ERCC3: variants seen among roughly 807,000 people sequenced by gnomAD.
ERCC3 encodes the protein general transcription and DNA repair factor IIH helicase/translocase subunit XPB.
ERCC3 carries 66 observed loss-of-function variants against 94.2 expected under a neutral mutation model. The ratio of observed to expected loss-of-function variants is 0.70; its 90% CI spans 0.57 to 0.86. The LOEUF is 0.86. Ranked by LOEUF, ERCC3 falls within the 40% of genes least tolerant of loss-of-function variation. The probability of loss-of-function intolerance (pLI) is 0.00; values close to 1 mark genes in which losing one functional copy is unlikely to be tolerated. For synonymous variants in ERCC3, 349 were observed against 369.1 expected, an observed-to-expected ratio of 0.95 and a Z score of 0.63; for missense variants, 829 against 987.1, an observed-to-expected ratio of 0.84 and a Z score of 2.15.
intron 8 of ERCC3, 80 bp downstream of exon 8, chr2:127,286,623 A>G (rs1393661688): frequency 1.5e-6 from 2 of 1,343,508 alleles, no homozygotes; most frequent in Non-Finnish European, 2.1e-6. Context: ...TGGGCTACAC[A>G]GCAGTCCCTT....
intron 13 of ERCC3, chr2:127,260,944 C>T (rs576276339): frequency 1.7e-4 from 75 of 446,936 alleles, no homozygotes; most frequent in African/African-American, 1.4e-3. Context: ...GAAGAGCTCT[C>T]CTAGCTACCT....
At chr2:127,276,651 A>C (rs1684742795) in intron 10 of ERCC3, among the ~76,000 whole-genome samples, 1 of 152,234 alleles carries the variant, frequency 6.6e-6, no homozygotes, top group African/African-American at 2.4e-5. Context: ...TGATGAATCA[A>C]AATTCCAAGA....
Position 127,288,649 on chromosome 2 carries a change from G to A in ERCC3, c.1027+11C>T. On this transcript the variant is annotated intron_variant, in intron 7 of 14. Transcript: ENST00000285398. ...CAGCCTGACCACCTTCTTAACTCTG[G>A]TACCACTTACCGCAGGGAAGAACAA... The A allele has an allele frequency of 6.2e-7, 1 of 1,612,280 alleles. No homozygotes were observed. The highest frequency in any genetic ancestry group is 1.7e-4 in the Middle Eastern group (1 of 6,050).
In ERCC3 at chr2:127,277,283, G is replaced by A. The variant is rs952087259; in HGVS notation, c.1730+1890C>T. Reference sequence around the variant, plus strand: ...AACTGAGAAATTACCTGACCCTACTGAGTTTATGGTTATGTGAAGACTTTG... The same window carrying A: ...AACTGAGAAATTACCTGACCCTACTAAGTTTATGGTTATGTGAAGACTTTG... On this transcript the variant is annotated intron_variant, in intron 10 of 14. Transcript: ENST00000285398. The surrounding 1 kb of genome is among the most constrained non-coding windows in gnomAD (Gnocchi z 5.1). 2.6e-5 allele frequency among the ~76,000 whole-genome samples: 4 copies of A among 152,112 alleles called. No individual in the cohort carries two copies. Among genetic ancestry groups the A allele is most frequent in the African/African-American group, 9.7e-5 (4 of 41,406 alleles).
rs374217633 is a variant in ERCC3 at position 127,271,122 on chromosome 2, C to T, written c.1945+214G>A. On this transcript the variant is annotated intron_variant, in intron 12 of 14. Coordinates refer to ENST00000285398, the MANE Select transcript of ERCC3 (RefSeq NM_000122.2). The surrounding 1 kb of genome is among the most constrained non-coding windows in gnomAD (Gnocchi z 5.0). ...GTACAGAGCACATCTGTGTGGATTC[C>T]GTGACACTGTCATGGAAAACACCTG... is the stretch of plus-strand genomic sequence containing the variant. Among the ~76,000 whole-genome samples the T allele has an allele frequency of 1.7e-4, 26 of 152,294 alleles. No individual in the cohort carries two copies. Among genetic ancestry groups the T allele is most frequent in the African/African-American group, 5.8e-4 (24 of 41,540 alleles).
In ERCC3 at chr2:127,290,348, C is replaced by A. The variant is rs144547844; in HGVS notation, c.472-75G>T. 4 of 1,192,376 alleles carry A rather than the reference C, an allele frequency of 3.4e-6. No individual in the cohort carries two copies. The African/African-American group carries it at 4.5e-5, about 13-fold the overall frequency. 73.9% of individuals were successfully genotyped at this position (1,192,376 alleles called of 1,614,324 possible). A position where few individuals can be genotyped will look rare whatever the true frequency, so the allele number is the denominator to read the frequency against. ...CACATTCATTACTGGTCACATCTTA[C>A]ACCTACCAACCAAGTGAAAAGTTCA... On this transcript the variant is annotated intron_variant, in intron 3 of 14. Coordinates refer to ENST00000285398, the MANE Select transcript of ERCC3 (RefSeq NM_000122.2).
chr2:127,268,174 G>A (rs925368118), intron 12 of ERCC3, among the ~76,000 whole-genome samples: 1 of 151,998 alleles, frequency 6.6e-6, no homozygotes, highest in Non-Finnish European at 1.5e-5. Context: ...GGCTGGTCTG[G>A]AACTCCTGAC....
Position 127,279,717 on chromosome 2 carries a change from G to A in ERCC3, c.1528-342C>T, listed in dbSNP as rs566955144. 2.0e-5 allele frequency among the ~76,000 whole-genome samples: 3 copies of A among 151,900 alleles called. No individual in the cohort carries two copies. The highest frequency in any genetic ancestry group is 2.1e-4 in the South Asian group (1 of 4,808). On this transcript the variant is annotated intron_variant, in intron 9 of 14. Coordinates refer to ENST00000285398, the MANE Select transcript of ERCC3 (RefSeq NM_000122.2). The surrounding 1 kb of genome is among the most constrained non-coding windows in gnomAD (Gnocchi z 4.7). ...GGAGGTTGCAGTGAGCCAAGATCAC[G>A]CCACTGCACTCCAGCCTGGGTGACA...
At chr2:127,287,959 A>G (rs1685133874) in intron 7 of ERCC3, among the ~76,000 whole-genome samples, 1 of 152,224 alleles carries the variant, frequency 6.6e-6, no homozygotes, top group African/African-American at 2.4e-5. Flanking sequence ...GAATAAACGT[A>G]AATAAAAAAA....
intron 8 of ERCC3, among the ~76,000 whole-genome samples, chr2:127,283,134 G>T (rs1684966755): frequency 1.6e-5 from 2 of 122,106 alleles, no homozygotes; most frequent in African/African-American, 3.1e-5. Context: ...ACTGACTTGG[G>T]GCGGGGGGTG....
At chr2:127,263,069 G>T (rs1667843304) in intron 12 of ERCC3, among the ~76,000 whole-genome samples, 1 of 152,170 alleles carries the variant, frequency 6.6e-6, no homozygotes, top group Admixed American at 6.5e-5. Flanking sequence ...AAGCCCTGTA[G>T]CATAGTTTGA....
chr2:127,257,456 C>A lies in ERCC3; in HGVS notation c.*140G>T. ...GATGACCTATGAAGGCACAGCCAAG[C>A]CCTTGATGCATCTTCCTCAGCACAA... On this transcript the variant is annotated 3_prime_UTR_variant, in exon 15 of 15. Transcript: ENST00000285398. The surrounding 1 kb of genome is among the most constrained non-coding windows in gnomAD (Gnocchi z 5.4). 1 of 1,042,972 alleles carries A rather than the reference C, an allele frequency of 9.6e-7. No individual in the cohort carries two copies. Among genetic ancestry groups the A allele is most frequent in the Non-Finnish European group, 1.5e-6 (1 of 661,802 alleles). The allele number at this position is 1,042,972 out of a possible 1,614,324, so 64.6% of individuals were successfully genotyped here.
At chr2:127,287,119 G>A (rs892179590) in intron 7 of ERCC3, 102 bp from the exon 8 acceptor site, 1 of 888,412 alleles carries the variant, frequency 1.1e-6, no homozygotes, top group Non-Finnish European at 1.8e-6. Context: ...AAAATGTCTT[G>A]TAACAGTCCA....
chr2:127,285,943 G>T (rs757262639), intron 8 of ERCC3, among the ~76,000 whole-genome samples: 15 of 151,870 alleles, frequency 9.9e-5, no homozygotes, highest in African/African-American at 1.7e-4. Context: ...TTTACAAGGG[G>T]TGATTTTATG....
chr2:127,280,465 G>A lies in ERCC3; in HGVS notation c.1509C>T (p.Ala503=), dbSNP rs779287672. The A allele has an allele frequency of 3.1e-6, 5 of 1,612,728 alleles. No individual in the cohort carries two copies. The Admixed American group carries it at 8.3e-5, about 27-fold the overall frequency. ...CAGCTACCTCAGCACACTGGACTTTGGCGATGTAGCCATTATTCTGCAGCT... is the reference window on the plus strand; with the variant it reads ...CAGCTACCTCAGCACACTGGACTTTAGCGATGTAGCCATTATTCTGCAGCT... ...WMELQNNGYI[A]KVQCAEVWCP... is the part of the protein sequence containing the mutation. Residue 503 remains alanine, a synonymous_variant, in exon 9 of 15, where the codon GCC becomes GCT. Transcript: ENST00000285398. This position sits in a 1 kb window ranked among gnomAD's most constrained non-coding sequence, Gnocchi z 6.3.
intron 12 of ERCC3, among the ~76,000 whole-genome samples, chr2:127,263,868 C>T (rs183286278): frequency 1.6e-4 from 24 of 152,122 alleles, no homozygotes; most frequent in Admixed American, 9.2e-4. Context: ...CCACCACGCC[C>T]GGCTAATTTT....
intron 8 of ERCC3, among the ~76,000 whole-genome samples, chr2:127,285,615 G>A (rs4150424): frequency 1.6e-3 from 244 of 152,112 alleles, no homozygotes; most frequent in African/African-American, 5.2e-3. Context: ...ACTTGAACCC[G>A]GGAGGCAGAG....
intron 12 of ERCC3, among the ~76,000 whole-genome samples, chr2:127,268,173 G>C (rs2404534): frequency 0.73 from 111,222 of 151,978 alleles, 40,934 homozygotes; most frequent in East Asian, 0.98. Context: ...AGGCTGGTCT[G>C]GAACTCCTGA....
At chr2:127,269,670 C>T (rs558378199) in intron 12 of ERCC3, among the ~76,000 whole-genome samples, 1 of 151,176 alleles carries the variant, frequency 6.6e-6, no homozygotes, top group Admixed American at 6.6e-5. Flanking sequence ...ATCTGCCTGC[C>T]TGGGCCTCCC....
Sources: gnomAD v4.1 joint callset for allele counts (sites outside exome capture counted in the v4.1 genomes callset) on GRCh38, gnomAD v4.1.1 for gene constraint, Gnocchi (gnomAD v3.1) non-coding constraint, MANE v1.5 for transcripts, NCBI Gene and HGNC (gene_info 2026-07-23, HGNC 2026-07-21) for gene names.